The following LYST variants were observed in gnomAD, a reference collection of about 807,000 sequenced individuals.
LYST encodes lysosomal-trafficking regulator.
A neutral mutation model predicts 413.6 loss-of-function variants in LYST; 192 were observed. The ratio of observed to expected loss-of-function variants is 0.46; its 90% CI spans 0.41 to 0.52. The LOEUF (loss-of-function observed/expected upper bound fraction) is 0.52. Ranked by LOEUF, LYST falls within the 20% of genes least tolerant of loss-of-function variation. LYST has a pLI of 0.00. For missense variants in LYST, 3,815 were observed against 4,499.9 expected (o/e 0.85, Z 4.35); for synonymous variants, 1,525 against 1,567.3 (o/e 0.97, Z 0.64).
intron 48 of LYST, among the ~76,000 whole-genome samples, chr1:235,683,508 A>G (rs947500782): frequency 6.6e-6 from 1 of 152,238 alleles, no homozygotes; most frequent in African/African-American, 2.4e-5. Flanking sequence ...TAACGAGTCA[A>G]CTTATTCATC....
intron 38 of LYST, among the ~76,000 whole-genome samples, chr1:235,727,640 C>G (rs1481946897): frequency 6.6e-6 from 1 of 152,048 alleles, no homozygotes; most frequent in Non-Finnish European, 1.5e-5. Context: ...TAATATCAGT[C>G]TGTCTAGAAT....
At chr1:235,676,357 A>G (rs192796971) in intron 50 of LYST, among the ~76,000 whole-genome samples, 40 of 152,312 alleles carry the variant, frequency 2.6e-4, no homozygotes, top group South Asian at 6.2e-4. Context: ...TACCAGATCA[A>G]ACAAGAATGG....
Position 235,808,910 on chromosome 1 carries a change from A to T in LYST, c.1908T>A (p.Ala636=). 6.2e-7 allele frequency: 1 copy of T among 1,612,668 alleles called. No homozygotes were observed. The highest frequency in any genetic ancestry group is 8.5e-7 in the Non-Finnish European group (1 of 1,179,214). Residue 636 remains alanine, a synonymous_variant, in exon 5 of 53, where the codon GCT becomes GCA. Transcript: ENST00000389793. ...AEISPKIKKA[A]CNICTVDSDQ... is the part of the protein sequence containing the mutation. ...CAGAGTCAACAGTACAAATATTACA[A>T]GCTGCTTTTTTAATTTTTGGTGATA...
chr1:235,870,974 T>C (rs2891663), upstream of LYST, among the ~76,000 whole-genome samples: 124,758 of 152,248 alleles, frequency 0.82, 51,626 homozygotes, highest in African/African-American at 0.95. Context: ...TCAGCAATAG[T>C]AAGAAGGTCA....
chr1:235,684,232 C>CT (rs980435516), intron 48 of LYST, among the ~76,000 whole-genome samples: 54 of 149,618 alleles, frequency 3.6e-4, no homozygotes, highest in African/African-American at 7.1e-4. Context: ...ACAGCTTAAC[C>CT]TTTTTTTTTT....
At chr1:235,780,288 C>T (rs1021940123) in intron 16 of LYST, among the ~76,000 whole-genome samples, 39 of 151,550 alleles carry the variant, frequency 2.6e-4, no homozygotes, top group Non-Finnish European at 5.3e-4. Flanking sequence ...ACCACAGGCC[C>T]GGCCACTTGG....
At chr1:235,735,913 G>T (rs937031581) in intron 31 of LYST, 1 of 151,998 alleles carries the variant, frequency 6.6e-6, no homozygotes, top group East Asian at 1.9e-4. Flanking sequence ...TAAAGAGTTG[G>T]CAAATAAATA....
At position 235,728,065 on chromosome 1, in the gene LYST, C is replaced by T. The variant is rs74958355; in HGVS notation, c.9162+11G>A. On this transcript the variant is annotated intron_variant, in intron 38 of 52. Transcript: ENST00000389793. ...AGATTTATGTAAATACAGACTTAAG[C>T]CTCTACTCACCGAACTTTCAACTGT... is the stretch of plus-strand genomic sequence containing the variant. 8.5e-5 allele frequency: 136 copies of T among 1,597,176 alleles called. No homozygotes were observed. The East Asian group carries it at 2.7e-3, about 32-fold the overall frequency.
chr1:235,722,401 T>C (rs183877968), intron 39 of LYST, among the ~76,000 whole-genome samples: 25 of 152,202 alleles, frequency 1.6e-4, no homozygotes, highest in African/African-American at 5.8e-4. Context: ...AGCAGAGAAA[T>C]GGTAGTGAAG....
chr1:235,755,428 G>GAA lies in LYST; in HGVS notation c.7229+48_7229+49dup, dbSNP rs753101023. 30 of 1,228,128 alleles carry GAA rather than the reference G, an allele frequency of 2.4e-5. No homozygotes were observed. In the African/African-American group the frequency reaches 4.1e-4, roughly 17 times the overall value. 76.1% of individuals were successfully genotyped at this position (1,228,128 alleles called of 1,614,324 possible). A position where few individuals can be genotyped will look rare whatever the true frequency, so the allele number is the denominator to read the frequency against. On this transcript the variant is annotated intron_variant, in intron 25 of 52. Transcript: ENST00000389793. ...GAAAAGAAAAGAAAAGAAAAGAAAA[G>GAA]AAAAAAGACAAAAGATTCCCAATTA...
rs1052578358 is a variant in LYST, at chr1:235,712,795, G to A, written c.9785-598C>T. ...GTGAATGAAAATAAAAATAAGCATA[G>A]TCACTCTTTCGTTCATTTTTTTTCC... is the stretch of plus-strand genomic sequence containing the variant. On this transcript the variant is annotated intron_variant, in intron 42 of 52. Transcript: ENST00000389793. 1.9e-5 allele frequency: 19 copies of A among 984,438 alleles called. No homozygotes were observed. In the African/African-American group the frequency reaches 3.3e-4, roughly 17 times the overall value. The allele number at this position is 984,438 out of a possible 1,614,324, so 61.0% of individuals were successfully genotyped here.
intron 46 of LYST, among the ~76,000 whole-genome samples, chr1:235,694,565 A>T (rs1242580533): frequency 6.6e-6 from 1 of 152,196 alleles, no homozygotes; most frequent in Admixed American, 6.5e-5. Context: ...ATAACAAATA[A>T]ATATTTCTTG....
intron 40 of LYST, among the ~76,000 whole-genome samples, chr1:235,717,910 C>G (rs975569463): frequency 6.7e-6 from 1 of 150,076 alleles, no homozygotes; most frequent in Non-Finnish European, 1.5e-5. Flanking sequence ...TTTTTTCACT[C>G]TGGAGTGAAG....
At chr1:235,733,990 A>G in intron 32 of LYST, 84 bp from the exon 33 acceptor site, 1 of 686,160 alleles carries the variant, frequency 1.5e-6, no homozygotes, top group Non-Finnish European at 2.4e-6. Context: ...AACTAATTTT[A>G]AAACCCAGTT....
In LYST at chr1:235,880,875, C is replaced by T. The variant is rs1413526374; in HGVS notation, n.454+2312G>A. On this transcript the variant is annotated intron_variant and non_coding_transcript_variant, in intron 1 of 11. Coordinates refer to the LYST transcript ENST00000465349. Reference sequence around the variant, plus strand: ...GCACGGTGGCTCACACCTGTAATCCCAGCACTTTGGGAGGCTGAGGTGGGT... The same window carrying T: ...GCACGGTGGCTCACACCTGTAATCCTAGCACTTTGGGAGGCTGAGGTGGGT... 3.9e-5 allele frequency among the ~76,000 whole-genome samples: 6 copies of T among 152,252 alleles called. No individual in the cohort carries two copies. In the East Asian group the frequency reaches 1.2e-3, roughly 29 times the overall value.
intron 31 of LYST, chr1:235,736,789 GA>G (rs1664859259): frequency 6.6e-6 from 1 of 151,932 alleles, no homozygotes; most frequent in South Asian, 2.1e-4. Context: ...TGAAGTAGGG[GA>G]CAGAATATTT....
intron 39 of LYST, among the ~76,000 whole-genome samples, 194 bp from the exon 40 acceptor site, chr1:235,721,099 A>C (rs1466216497): frequency 1.3e-5 from 2 of 152,170 alleles, no homozygotes; most frequent in Non-Finnish European, 2.9e-5. Flanking sequence ...TGGGCTCTTC[A>C]CCACTATGCT....
Position 235,702,891 on chromosome 1 carries a change from A to T in LYST, c.10230T>A (p.Thr3410=), listed in dbSNP as rs1319553616. The T allele has an allele frequency of 1.9e-6, 3 of 1,613,960 alleles. No homozygotes were observed. In the Admixed American group the frequency reaches 5.0e-5, roughly 27 times the overall value. ...GGGCCATGTGGAACAGCTGACGGGG[A>T]GTCTGCCCGTAGGTTTTTATCATGG... ...LETMIKTYGQ[T]PRQLFHMAHV... is the part of the protein sequence containing the mutation. The change falls in exon 45 of 53, where the codon ACT becomes ACA. Residue 3410 remains threonine (T), a synonymous_variant. Coordinates refer to ENST00000389793, the MANE Select transcript of LYST (RefSeq NM_000081.4).
Position 235,810,066 on chromosome 1 carries a change from T to A in LYST, c.752A>T (p.Asn251Ile). 2.5e-6 allele frequency: 4 copies of A among 1,614,054 alleles called. No individual in the cohort carries two copies. The highest frequency in any genetic ancestry group is 3.4e-6 in the Non-Finnish European group (4 of 1,179,914). Residue 251 changes from asparagine (N) to isoleucine (I), a missense_variant, in exon 5 of 53, where the codon AAC becomes ATC. Transcript: ENST00000389793. Reference sequence around the variant, plus strand: ...ATGACATAAGTCAAATGGAGAATTGTTCATGTTACTGATAACAGACAAGGC... The same window carrying A: ...ATGACATAAGTCAAATGGAGAATTGATCATGTTACTGATAACAGACAAGGC... ...PAALSVISNM[N>I]NSPFDLCHVL...
Sources: gnomAD v4.1 joint callset for allele counts (sites outside exome capture counted in the v4.1 genomes callset) on GRCh38, gnomAD v4.1.1 for gene constraint, MANE v1.5 for transcripts, NCBI Gene and HGNC (gene_info 2026-07-23, HGNC 2026-07-21) for gene names.